PIK3R4: variants seen among roughly 807,000 people sequenced by gnomAD.
The protein encoded by PIK3R4 is phosphoinositide 3-kinase regulatory subunit 4.
PIK3R4 carries 46 observed loss-of-function variants against 136.5 expected under a neutral mutation model. The observed-to-expected ratio is 0.34, with a 90% CI of 0.27 to 0.43. PIK3R4 has a LOEUF of 0.43. Among genes scored for constraint, PIK3R4 ranks in the 20% least tolerant of loss-of-function variants. The pLI is 1.00. For missense variants in PIK3R4, 1,331 were observed against 1,649.5 expected (o/e 0.81, Z 3.35); for synonymous variants, 557 against 566.7 (o/e 0.98, Z 0.24).
intron 9 of PIK3R4, among the ~76,000 whole-genome samples, chr3:130,711,929 G>A (rs2066634910): frequency 6.6e-6 from 1 of 152,086 alleles, no homozygotes; most frequent in Non-Finnish European, 1.5e-5. Context: ...GTCAAAAAGT[G>A]CAAAAATAAA....
chr3:130,729,383 CA>C (rs1022186070), intron 5 of PIK3R4, among the ~76,000 whole-genome samples: 10 of 152,166 alleles, frequency 6.6e-5, no homozygotes, highest in African/African-American at 2.4e-4. Flanking sequence ...AAACAGAAGA[CA>C]GGGGCCACTC....
Position 130,723,565 on chromosome 3 carries a change from C to T in PIK3R4, c.1830G>A (p.Trp610Ter), listed in dbSNP as rs2066715567. ...SIVGVAAYVG[W>*]QSSSILKPLL... ...GAGGCTTGAGAATTGAGGAGCTTTG[C>T]CAGCCAACATAGGCAGCAACACCTG... Residue 610 changes from tryptophan (W) to a stop codon, truncating the protein, a stop_gained, in exon 7 of 20, where the codon TGG (tryptophan) becomes TGA (stop). Coordinates refer to ENST00000356763, the MANE Select transcript of PIK3R4 (RefSeq NM_014602.3). LOFTEE classifies it high-confidence loss of function. 1 of 1,612,886 alleles carries T rather than the reference C, an allele frequency of 6.2e-7. No individual in the cohort carries two copies. Among genetic ancestry groups the T allele is most frequent in the Non-Finnish European group, 8.5e-7 (1 of 1,179,632 alleles).
At chr3:130,723,617 A>T in intron 6 of PIK3R4, 30 bp from the exon 7 acceptor site, 1 of 1,587,204 alleles carries the variant, frequency 6.3e-7, no homozygotes, top group Non-Finnish European at 8.6e-7. Flanking sequence ...TTATGTGATT[A>T]TTCAATACCT....
At chr3:130,728,814 G>A (rs759289060) in intron 5 of PIK3R4, 130 bp from the exon 6 acceptor site, 111 of 590,490 alleles carry the variant, frequency 1.9e-4, no homozygotes, top group Non-Finnish European at 2.2e-4. Context: ...AGAATCCACC[G>A]AAGACTTTAA....
chr3:130,704,592 G>A (rs1210934807), intron 12 of PIK3R4, among the ~76,000 whole-genome samples: 3 of 152,038 alleles, frequency 2.0e-5, no homozygotes, highest in African/African-American at 4.8e-5. Context: ...TCATTAAAAT[G>A]TAGACAGAAA....
Position 130,708,462 on chromosome 3 carries a change from G to T in PIK3R4, c.2362C>A (p.Leu788Met). 6.2e-7 allele frequency: 1 copy of T among 1,613,126 alleles called. No homozygotes were observed. The highest frequency in any genetic ancestry group is 2.2e-5 in the East Asian group (1 of 44,818). The part of the protein sequence containing the change: ...GMTEEEEDKL[L>M]ALKDFMMKSN... ...TTCATCATGAAGTCTTTCAGTGCCA[G>T]AAGTTTGTCTTCCTCTTCCTCTGTC... Residue 788 changes from leucine (L) to methionine (M), a missense_variant, in exon 10 of 20, where the codon CTG (leucine) becomes ATG (methionine). Around this residue, in one of 2 missense-constraint regions of PIK3R4, gnomAD observed 1,180 missense variants for 1,407.0 expected, o/e 0.84. Transcript: ENST00000356763.
At chr3:130,683,653 G>A (rs1250390437) in intron 16 of PIK3R4, among the ~76,000 whole-genome samples, 1 of 152,096 alleles carries the variant, frequency 6.6e-6, no homozygotes, top group Non-Finnish European at 1.5e-5. Context: ...GAGGCAAGAG[G>A]GCTGAGGGGA....
At chr3:130,680,046 G>A (rs1388058252) in intron 19 of PIK3R4, among the ~76,000 whole-genome samples, 1 of 118,418 alleles carries the variant, frequency 8.4e-6, no homozygotes, top group African/African-American at 3.5e-5. Flanking sequence ...CTGCACTCCA[G>A]CAAGACTCCA....
chr3:130,679,399 G>A lies in PIK3R4; in HGVS notation c.3993C>T (p.Ile1331=), dbSNP rs769324167. 6 of 1,610,910 alleles carry A rather than the reference G, an allele frequency of 3.7e-6. No individual in the cohort carries two copies. Among genetic ancestry groups the A allele is most frequent in the Non-Finnish European group, 5.1e-6 (6 of 1,177,126 alleles). ...TCTGGAATGTGGCGACATCAGTGAT[G>A]ATGTCATGATGTCCCACGGGCAGGG... The part of the protein sequence containing the change: ...PESLPVGHHD[I]ITDVATFQTT... The change falls in exon 20 of 20, where the codon ATC becomes ATT. Residue 1331 remains isoleucine, a synonymous_variant. Transcript: ENST00000356763.
intron 2 of PIK3R4, among the ~76,000 whole-genome samples, chr3:130,742,517 ATT>A (rs752426611): frequency 5.0e-4 from 76 of 152,196 alleles, no homozygotes; most frequent in Non-Finnish European, 1.6e-4. Context: ...GATGGATTAC[ATT>A]TCTAACCTTG....
chr3:130,691,010 C>A (rs2066515275), intron 13 of PIK3R4, among the ~76,000 whole-genome samples: 1 of 151,100 alleles, frequency 6.6e-6, no homozygotes, highest in African/African-American at 2.4e-5. Context: ...CTCAAGTGAT[C>A]CTCCCACCTC....
At chr3:130,698,394 T>G (rs1038258543) in intron 13 of PIK3R4, among the ~76,000 whole-genome samples, 33 of 152,320 alleles carry the variant, frequency 2.2e-4, no homozygotes, top group African/African-American at 7.5e-4. Context: ...TTTTCTTTAT[T>G]CTTTTCTTCT....
rs1175347062 is a variant in PIK3R4, at chr3:130,705,610, A to G, written c.2883T>C (p.Ala961=). 1.9e-6 allele frequency: 3 copies of G among 1,613,932 alleles called. No homozygotes were observed. In the South Asian group the frequency reaches 3.3e-5, roughly 18 times the overall value. Residue 961 remains alanine (A), a synonymous_variant, in exon 12 of 20, where the codon GCT becomes GCC. Coordinates refer to ENST00000356763, the MANE Select transcript of PIK3R4 (RefSeq NM_014602.3). ...ATTCAGCATTTTCCATCATCTGCTT[A>G]GCTATTCTCTCAGCATTGCACTGCT... The part of the protein sequence containing the change: ...KREQCNAERI[A]KQMMENAEWE...
intron 7 of PIK3R4, among the ~76,000 whole-genome samples, chr3:130,720,264 C>T (rs912466781): frequency 2.0e-5 from 3 of 151,932 alleles, no homozygotes; most frequent in African/African-American, 4.8e-5. Context: ...GGCACGATCT[C>T]GACTCATCGC....
At chr3:130,679,522 A>G (rs755668301) in intron 19 of PIK3R4, 37 bp from the exon 20 acceptor site, 4 of 1,524,690 alleles carry the variant, frequency 2.6e-6, no homozygotes, top group Non-Finnish European at 3.6e-6. Context: ...CCAGAGGTTA[A>G]AAGTCTGTAC....
At chr3:130,693,562 A>G (rs1242043257) in intron 13 of PIK3R4, among the ~76,000 whole-genome samples, 4 of 152,138 alleles carry the variant, frequency 2.6e-5, no homozygotes, top group African/African-American at 7.2e-5. Context: ...GCATCTTTTC[A>G]TGCGCTTATT....
Position 130,734,060 on chromosome 3 carries a change from C to A in PIK3R4, c.938G>T (p.Gly313Val). 2 of 1,614,068 alleles carry A rather than the reference C, an allele frequency of 1.2e-6. No individual in the cohort carries two copies. Among genetic ancestry groups the A allele is most frequent in the Non-Finnish European group, 1.7e-6 (2 of 1,179,958 alleles). ...GTAAAATATTTCAGGAAAGGCATTG[C>A]CACGCTGCTGTTTTAAGTAATCTTC... ...EAEDYLKQQRGNAFPEIFYTF... is the reference protein window; with the variant it reads ...EAEDYLKQQRVNAFPEIFYTF... The change falls in exon 4 of 20, where the codon GGC becomes GTC. Residue 313 changes from glycine to valine, a missense_variant. Gly to Val is a moderately radical substitution (Grantham distance 109). Coordinates refer to ENST00000356763, the MANE Select transcript of PIK3R4 (RefSeq NM_014602.3).
intron 9 of PIK3R4, among the ~76,000 whole-genome samples, chr3:130,710,329 C>T (rs2066626927): frequency 6.6e-6 from 1 of 151,884 alleles, no homozygotes; most frequent in Admixed American, 6.6e-5. Context: ...AACACATTAA[C>T]AGAACAGAAA....
intron 14 of PIK3R4, 116 bp downstream of exon 14, chr3:130,690,373 AG>A: frequency 2.1e-6 from 1 of 468,094 alleles, no homozygotes; most frequent in East Asian, 3.3e-5. Context: ...GCTTAAAAAA[AG>A]AAGTGCAATG....
Sources: allele counts gnomAD v4.1 joint callset (sites outside exome capture counted in the v4.1 genomes callset), GRCh38; gene constraint gnomAD v4.1.1; regional missense constraint gnomAD v4.1.1; transcripts MANE v1.5; gene names NCBI Gene and HGNC (gene_info 2026-07-23, HGNC 2026-07-21).